The following IQCF3 variants were observed in gnomAD, a reference collection of about 807,000 sequenced individuals.
IQCF3 encodes IQ motif containing F3.
Under a neutral mutation model 5.1 loss-of-function variants are expected in IQCF3, and 7 were observed. That is an observed-to-expected ratio of 1.36 (90% CI 0.78 to 2.56). The LOEUF (loss-of-function observed/expected upper bound fraction) is 2.56. Ranked by LOEUF, IQCF3 falls within the 30% of genes most tolerant of loss-of-function variation. The pLI, the probability that IQCF3 is intolerant of heterozygous loss-of-function variation, is 0.00. For synonymous variants in IQCF3, 82 were observed against 72.8 expected, an observed-to-expected ratio of 1.13 and a Z score of -0.64; for missense variants, 189 against 196.5, an observed-to-expected ratio of 0.96 and a Z score of 0.23.
intron 1 of IQCF3, 80 bp downstream of exon 1, chr3:51,829,573 C>T (rs984864493): frequency 5.0e-6 from 8 of 1,590,900 alleles, no homozygotes; most frequent in South Asian, 1.1e-5. Context: ...CTTCTTAGGA[C>T]CCAGGCAAAG....
At chr3:51,827,487 C>T (rs1698304001), upstream of IQCF3, 1 of 152,026 alleles carries the variant, frequency 6.6e-6, no homozygotes, top group African/African-American at 2.4e-5. Context: ...GAAATGCATA[C>T]TGTCCTTTTT....
intron 2 of IQCF3, 37 bp downstream of exon 2, chr3:51,829,749 C>T: frequency 3.8e-6 from 6 of 1,595,258 alleles, no homozygotes; most frequent in Non-Finnish European, 5.2e-6. Flanking sequence ...AATTGCAGAT[C>T]ATTGACTCTT....
At position 51,830,710 on chromosome 3, in the gene IQCF3, G is replaced by T; in HGVS notation, c.374G>T (p.Ser125Ile). 2 of 1,613,958 alleles carry T rather than the reference G, an allele frequency of 1.2e-6. No individual in the cohort carries two copies. The highest frequency in any genetic ancestry group is 1.7e-6 in the Non-Finnish European group (2 of 1,179,856). Residue 125 changes from serine (S) to isoleucine (I), a missense_variant, in exon 3 of 3, where the codon AGC becomes ATC. Transcript: ENST00000440739. The surrounding 1 kb of genome is among the most constrained non-coding windows in gnomAD (Gnocchi z 4.1). ...TGCTTGTTCCAGGTCCCAGAGAGCAGCCTTGCCTTCCAGACTGATGGCTTT... is the reference window on the plus strand; with the variant it reads ...TGCTTGTTCCAGGTCCCAGAGAGCATCCTTGCCTTCCAGACTGATGGCTTT... ...ALCLFQVPESSLAFQTDGFLQ... is the reference protein window; with the variant it reads ...ALCLFQVPESILAFQTDGFLQ...
chr3:51,829,847 G>C (rs1180460558), intron 2 of IQCF3, 135 bp downstream of exon 2: 1 of 859,012 alleles, frequency 1.2e-6, no homozygotes, highest in African/African-American at 1.7e-5. Context: ...TTGGTGAACT[G>C]AGTAAGGTAT....
upstream of IQCF3, chr3:51,827,023 G>A (rs1198198690): frequency 1.3e-5 from 2 of 152,586 alleles, no homozygotes; most frequent in Non-Finnish European, 2.9e-5. Flanking sequence ...CAGCAGGCTT[G>A]AAGAGCAGCT....
chr3:51,829,318 T>C (rs1577607506), upstream of IQCF3: 3 of 744,106 alleles, frequency 4.0e-6, no homozygotes, highest in Non-Finnish European at 6.9e-6. Flanking sequence ...TATTTTCTCT[T>C]TATCCATCAA....
chr3:51,830,815 T>C lies in IQCF3; in HGVS notation c.*14T>C. 4 of 1,553,124 alleles carry C rather than the reference T, an allele frequency of 2.6e-6. No homozygotes were observed. Among genetic ancestry groups the C allele is most frequent in the Non-Finnish European group, 3.5e-6 (4 of 1,147,846 alleles). ...CTATCAATCTGAAAGGCCTGGGGCA[T>C]GGAGAACAGGCTGCACTACCCTAAT... is the stretch of plus-strand genomic sequence containing the variant. On this transcript the variant is annotated 3_prime_UTR_variant, in exon 3 of 3. Coordinates refer to ENST00000440739, the MANE Select transcript of IQCF3 (RefSeq NM_001393887.1). The surrounding 1 kb of genome is among the most constrained non-coding windows in gnomAD (Gnocchi z 4.1).
upstream of IQCF3, chr3:51,829,401 C>A: frequency 6.5e-7 from 1 of 1,535,238 alleles, no homozygotes; most frequent in Non-Finnish European, 8.9e-7. Flanking sequence ...TCTCTTTCTC[C>A]ACCTTTCCTG....
chr3:51,830,366 A>AT lies in IQCF3; in HGVS notation c.67-36dup, dbSNP rs1429510429. 27 of 1,516,270 alleles carry AT rather than the reference A, an allele frequency of 1.8e-5. No individual in the cohort carries two copies. The highest frequency in any genetic ancestry group is 2.3e-5 in the Non-Finnish European group (26 of 1,134,128). 93.9% of individuals were successfully genotyped at this position (1,516,270 alleles called of 1,614,324 possible). Reference sequence around the variant, plus strand: ...AGAGAACCACCTGTGCTTGATGGTGATAAATTCACTGGGAGTCCTCTGCTT... The same window carrying AT: ...AGAGAACCACCTGTGCTTGATGGTGATTAAATTCACTGGGAGTCCTCTGCTT... On this transcript the variant is annotated intron_variant, in intron 2 of 2. Coordinates refer to ENST00000440739, the MANE Select transcript of IQCF3 (RefSeq NM_001393887.1). This position sits in a 1 kb window ranked among gnomAD's most constrained non-coding sequence, Gnocchi z 4.1.
At position 51,830,297 on chromosome 3, in the gene IQCF3, G is replaced by T. The variant is rs1698347994; in HGVS notation, c.67-106G>T. The stretch of plus-strand genomic sequence containing the variant: ...GAAGTAGAGGACAAACCCCACCCAG[G>T]TCTCCTGGGTCCTCAAAACCAGCAG... On this transcript the variant is annotated intron_variant, in intron 2 of 2. Coordinates refer to ENST00000440739, the MANE Select transcript of IQCF3 (RefSeq NM_001393887.1). This position sits in a 1 kb window ranked among gnomAD's most constrained non-coding sequence, Gnocchi z 4.1. The T allele has an allele frequency of 5.3e-6, 7 of 1,324,364 alleles. No individual in the cohort carries two copies. The highest frequency in any genetic ancestry group is 7.2e-6 in the Non-Finnish European group (7 of 969,700). The allele number at this position is 1,324,364 out of a possible 1,614,324, so 82.0% of individuals were successfully genotyped here.
chr3:51,827,222 T>A (rs1244002750), upstream of IQCF3: 2 of 152,198 alleles, frequency 1.3e-5, no homozygotes, highest in Non-Finnish European at 2.9e-5. Flanking sequence ...ATGGACAGGA[T>A]ATAATCACAA....
chr3:51,829,579 C>T, intron 1 of IQCF3, 86 bp downstream of exon 1: 1 of 1,592,576 alleles, frequency 6.3e-7, no homozygotes, highest in Non-Finnish European at 8.6e-7. Context: ...AGGACCCAGG[C>T]AAAGAATGGG....
upstream of IQCF3, chr3:51,828,781 C>T (rs1698323349): frequency 6.6e-6 from 1 of 152,162 alleles, no homozygotes; most frequent in Admixed American, 6.5e-5. Flanking sequence ...GCTGTGGATC[C>T]TTCTTGTCCT....
At chr3:51,829,386 G>A (rs148302511), upstream of IQCF3, 1,122 of 1,458,518 alleles carry the variant, frequency 7.7e-4, 2 homozygotes, top group Non-Finnish European at 9.5e-4. Context: ...GTGACATCAC[G>A]GCCATCTCTT....
At chr3:51,829,788 C>T in intron 2 of IQCF3, 76 bp downstream of exon 2, 1 of 1,433,050 alleles carries the variant, frequency 7.0e-7, no homozygotes, top group Admixed American at 1.9e-5. Flanking sequence ...AATGGAGATC[C>T]ATCTCTGGCT....
upstream of IQCF3, among the ~76,000 whole-genome samples, chr3:51,827,841 GTC>G (rs1373438750): frequency 2.0e-5 from 3 of 152,008 alleles, no homozygotes; most frequent in African/African-American, 7.3e-5. Context: ...GGTCCCCAGT[GTC>G]TGTTGTTTCC....
At chr3:51,827,628 CT>C (rs1698305580), upstream of IQCF3, among the ~76,000 whole-genome samples, 1 of 150,846 alleles carries the variant, frequency 6.6e-6, no homozygotes, top group Non-Finnish European at 1.5e-5. Context: ...ACATGAAGTT[CT>C]TTTTTGTTGG....
chr3:51,830,640 A>ATG lies in IQCF3; in HGVS notation c.307_308dup (p.Trp103CysfsTer70). 1 of 1,614,014 alleles carries ATG rather than the reference A, an allele frequency of 6.2e-7. No individual in the cohort carries two copies. The highest frequency in any genetic ancestry group is 8.5e-7 in the Non-Finnish European group (1 of 1,179,894). Reference sequence around the variant, plus strand: ...GGTCAAGCTCCAGTCCTGCATCCGCATGTGGCAGTGCCGGCAATGTTACCG... The same window carrying ATG: ...GGTCAAGCTCCAGTCCTGCATCCGCATGTGTGGCAGTGCCGGCAATGTTACCG... On this transcript the variant is annotated frameshift_variant, in exon 3 of 3. Coordinates refer to ENST00000440739, the MANE Select transcript of IQCF3 (RefSeq NM_001393887.1). LOFTEE classifies it low-confidence loss of function (END_TRUNC). The surrounding 1 kb of genome is among the most constrained non-coding windows in gnomAD (Gnocchi z 4.1).
In IQCF3 at chr3:51,830,822, C is replaced by G. The variant is rs757082786; in HGVS notation, c.*21C>G. 10 of 1,545,560 alleles carry G rather than the reference C, an allele frequency of 6.5e-6. No individual in the cohort carries two copies. Among genetic ancestry groups the G allele is most frequent in the Non-Finnish European group, 7.9e-6 (9 of 1,144,710 alleles). On this transcript the variant is annotated 3_prime_UTR_variant, in exon 3 of 3. Coordinates refer to ENST00000440739, the MANE Select transcript of IQCF3 (RefSeq NM_001393887.1). The surrounding 1 kb of genome is among the most constrained non-coding windows in gnomAD (Gnocchi z 4.1). Reference sequence around the variant, plus strand: ...TCTGAAAGGCCTGGGGCATGGAGAACAGGCTGCACTACCCTAATAAATGTC... The same window carrying G: ...TCTGAAAGGCCTGGGGCATGGAGAAGAGGCTGCACTACCCTAATAAATGTC...
Sources: allele counts gnomAD v4.1 joint callset (sites outside exome capture counted in the v4.1 genomes callset), GRCh38; gene constraint gnomAD v4.1.1; non-coding constraint Gnocchi (gnomAD v3.1); transcripts MANE v1.5; gene names NCBI Gene and HGNC (gene_info 2026-07-23, HGNC 2026-07-21).